Variants in PLEKHM2 observed in about 807,000 individuals in gnomAD.
The protein encoded by PLEKHM2 is pleckstrin homology domain-containing family M member 2.
In PLEKHM2, 77 loss-of-function variants were observed where a neutral mutation model predicts 116.3. The ratio of observed to expected loss-of-function variants is 0.66; its 90% confidence interval spans 0.55 to 0.80. The LOEUF (loss-of-function observed/expected upper bound fraction) is 0.80. PLEKHM2 is among the 30% of genes least tolerant of loss of function. The probability of loss-of-function intolerance (pLI) is 0.00; values close to 1 mark genes in which losing one functional copy is unlikely to be tolerated. For missense variants in PLEKHM2, 1,183 were observed against 1,354.9 expected (o/e 0.87, Z 1.99); for synonymous variants, 562 against 571.0 (o/e 0.98, Z 0.22).
chr1:15,730,423 C>G (rs1254056151), intron 14 of PLEKHM2, 109 bp from the exon 15 acceptor site: 1 of 850,936 alleles, frequency 1.2e-6, no homozygotes, highest in Admixed American at 3.0e-5. Flanking sequence ...GCCTGGGCGA[C>G]AGAGCGAGAC....
At position 15,728,197 on chromosome 1, in the gene PLEKHM2, G is replaced by A. The variant is rs77256801; in HGVS notation, c.1830+49G>A. 284 of 1,603,214 alleles carry A rather than the reference G, an allele frequency of 1.8e-4. No individual in the cohort carries two copies. In the African/African-American group the frequency reaches 2.6e-3, roughly 14 times the overall value. On this transcript the variant is annotated intron_variant, in intron 10 of 19. Coordinates refer to ENST00000375799, the MANE Select transcript of PLEKHM2 (RefSeq NM_015164.4). The surrounding 1 kb of genome is among the most constrained non-coding windows in gnomAD (Gnocchi z 5.9). ...GAGCAAGAGACGGCAAGGGCAAGGC[G>A]GGATGGGCCACCGCCCCCGCTGGAG...
intron 1 of PLEKHM2, among the ~76,000 whole-genome samples, chr1:15,715,024 C>A (rs1641416188): frequency 6.6e-6 from 1 of 152,338 alleles, no homozygotes; most frequent in Non-Finnish European, 1.5e-5. Context: ...CAGTTCATCT[C>A]ACCTACTGTC....
chr1:15,714,877 G>A (rs1641412788), intron 1 of PLEKHM2, among the ~76,000 whole-genome samples: 1 of 152,230 alleles, frequency 6.6e-6, no homozygotes, highest in Admixed American at 6.5e-5. Context: ...TTCTCCTAGA[G>A]CTGTGCTTGA....
At position 15,729,051 on chromosome 1, in the gene PLEKHM2, G is replaced by T. The variant is rs146863630; in HGVS notation, c.1987-51G>T. 472 of 1,515,274 alleles carry T rather than the reference G, an allele frequency of 3.1e-4. 1 individual carries two copies. The African/African-American group carries it at 5.6e-3, about 18-fold the overall frequency. 93.9% of individuals were successfully genotyped at this position (1,515,274 alleles called of 1,614,324 possible). On this transcript the variant is annotated intron_variant, in intron 12 of 19. Transcript: ENST00000375799. The surrounding 1 kb of genome is among the most constrained non-coding windows in gnomAD (Gnocchi z 4.7). ...TCAGCCTGGCCAAGCTGCCTTCTCC[G>T]CCAGGCAGCAGCTAAGCCCCAAGTG...
At chr1:15,683,901 G>A (rs1273700915), upstream of PLEKHM2, among the ~76,000 whole-genome samples, 1 of 148,438 alleles carries the variant, frequency 6.7e-6, no homozygotes, top group Admixed American at 6.7e-5. Context: ...GTCCCTGAGG[G>A]AATCTGTGGG....
In PLEKHM2 at chr1:15,719,066, T is replaced by A. The variant is rs1412537383; in HGVS notation, c.465+441T>A. On this transcript the variant is annotated intron_variant, in intron 5 of 19. Coordinates refer to ENST00000375799, the MANE Select transcript of PLEKHM2 (RefSeq NM_015164.4). The surrounding 1 kb of genome is among the most constrained non-coding windows in gnomAD (Gnocchi z 4.1). ...CTCTCCCCATCACACCCTGTACAAA[T>A]GGGATGCTGGCCCACATAGAGCCAA... Among the ~76,000 whole-genome samples, 1 of 152,124 alleles carries A rather than the reference T, an allele frequency of 6.6e-6. No individual in the cohort carries two copies. Among genetic ancestry groups the A allele is most frequent in the East Asian group, 1.9e-4 (1 of 5,186 alleles).
chr1:15,732,583 T>C, intron 18 of PLEKHM2, 29 bp from the exon 19 acceptor site: 4 of 1,599,280 alleles, frequency 2.5e-6, no homozygotes, highest in Non-Finnish European at 3.4e-6. Context: ...AAGCTCTGGC[T>C]GCTCACCCGG....
Position 15,732,684 on chromosome 1 carries a change from C to T in PLEKHM2, c.2878C>T (p.Arg960Ter). ...IYLSCTSELD[R>*]LLSALNSGWK... Reference sequence around the variant, plus strand: ...CCTGAGCTGCACTTCTGAACTGGACCGATTGCTGTCTGCACTGAACTCTGG... The same window carrying T: ...CCTGAGCTGCACTTCTGAACTGGACTGATTGCTGTCTGCACTGAACTCTGG... The change falls in exon 19 of 20, where the codon CGA (arginine) becomes TGA (stop). Residue 960 changes from arginine (R) to a stop codon, truncating the protein, a stop_gained. Transcript: ENST00000375799. LOFTEE classifies it high-confidence loss of function. 6.2e-7 allele frequency: 1 copy of T among 1,610,626 alleles called. No individual in the cohort carries two copies. The highest frequency in any genetic ancestry group is 1.1e-5 in the South Asian group (1 of 90,468).
chr1:15,716,921 A>G (rs566227723), intron 3 of PLEKHM2, 105 bp downstream of exon 3: 124 of 1,399,288 alleles, frequency 8.9e-5, no homozygotes, highest in Non-Finnish European at 1.1e-4. Context: ...CTGGGAGGCA[A>G]ATTACCTGGT....
chr1:15,684,510 G>GC lies in PLEKHM2; in HGVS notation c.-49_-48insC, dbSNP rs1553156952. 3.1e-6 allele frequency: 3 copies of GC among 976,688 alleles called. No homozygotes were observed. The highest frequency in any genetic ancestry group is 3.8e-6 in the Non-Finnish European group (3 of 799,692). 60.5% of individuals were successfully genotyped at this position (976,688 alleles called of 1,614,324 possible). On this transcript the variant is annotated 5_prime_UTR_variant, in exon 1 of 20. Coordinates refer to ENST00000375799, the MANE Select transcript of PLEKHM2 (RefSeq NM_015164.4). ...GCCCCCGGCGCGGGAAGCGGCGGCGGGGCGGCGGCGGCGGTGGCGGTGGCG... is the reference window on the plus strand; with the variant it reads ...GCCCCCGGCGCGGGAAGCGGCGGCGGCGGCGGCGGCGGCGGTGGCGGTGGCG...
At chr1:15,724,733 C>G (rs2068039044) in intron 7 of PLEKHM2, among the ~76,000 whole-genome samples, 1 of 152,196 alleles carries the variant, frequency 6.6e-6, no homozygotes, top group Non-Finnish European at 1.5e-5. Context: ...CATCCTGTCT[C>G]CTAGCCTCTG....
intron 1 of PLEKHM2, among the ~76,000 whole-genome samples, chr1:15,696,594 G>A (rs527735373): frequency 7.2e-5 from 11 of 152,004 alleles, no homozygotes; most frequent in African/African-American, 1.7e-4. Context: ...CAGGTGATCC[G>A]CCCGCCTCGG....
At position 15,731,875 on chromosome 1, in the gene PLEKHM2, C is replaced by G. The variant is rs765845466; in HGVS notation, c.2466-14C>G. ...GCCTCCTCGCTCCCGTTTCACCCTC[C>G]TCCTCTGGCCCAGGGGGGAGCAGTG... is the stretch of plus-strand genomic sequence containing the variant. On this transcript the variant is annotated splice_polypyrimidine_tract_variant and intron_variant, in intron 16 of 19. Coordinates refer to ENST00000375799, the MANE Select transcript of PLEKHM2 (RefSeq NM_015164.4). The G allele has an allele frequency of 2.5e-6, 4 of 1,607,034 alleles. No homozygotes were observed. Among genetic ancestry groups the G allele is most frequent in the African/African-American group, 1.3e-5 (1 of 74,808 alleles).
Position 15,721,351 on chromosome 1 carries a change from T to G in PLEKHM2, c.675T>G (p.Phe225Leu), listed in dbSNP as rs1390848538. ...SSEDYDFGDV[F>L]PAVPSVPSTD... ...TAGATTATGATTTTGGAGATGTGTT[T>G]CCAGCAGTGCCGTCTGTACCCAGCA... The change falls in exon 7 of 20, where the codon TTT (phenylalanine) becomes TTG (leucine). Residue 225 changes from phenylalanine (F) to leucine (L), a missense_variant. Phe to Leu is a conservative substitution (Grantham distance 22). Coordinates refer to ENST00000375799, the MANE Select transcript of PLEKHM2 (RefSeq NM_015164.4). The surrounding 1 kb of genome is among the most constrained non-coding windows in gnomAD (Gnocchi z 5.1). 6.4e-7 allele frequency: 1 copy of G among 1,570,858 alleles called. No homozygotes were observed. Among genetic ancestry groups the G allele is most frequent in the South Asian group, 1.2e-5 (1 of 85,392 alleles).
At chr1:15,685,011 A>G (rs1275708971) in intron 1 of PLEKHM2, among the ~76,000 whole-genome samples, 1 of 152,186 alleles carries the variant, frequency 6.6e-6, no homozygotes, top group Non-Finnish European at 1.5e-5. Flanking sequence ...GGCGTCGCCC[A>G]GGGTCTGGCA....
At chr1:15,705,023 C>T (rs74054828) in intron 1 of PLEKHM2, among the ~76,000 whole-genome samples, 5,644 of 152,100 alleles carry the variant, frequency 0.037, 357 homozygotes, top group African/African-American at 0.13. Flanking sequence ...GGTGAGGACC[C>T]CTGGTCTAAC....
At chr1:15,698,549 CTTT>C (rs564918055) in intron 1 of PLEKHM2, among the ~76,000 whole-genome samples, 277 of 111,180 alleles carry the variant, frequency 2.5e-3, no homozygotes, top group Middle Eastern at 4.4e-3. Context: ...TTCTTTCTTT[CTTT>C]TTTTTTTTTT....
chr1:15,722,532 G>A (rs2068009008), intron 7 of PLEKHM2, among the ~76,000 whole-genome samples: 1 of 152,154 alleles, frequency 6.6e-6, no homozygotes, highest in Non-Finnish European at 1.5e-5. Context: ...TCTGAACAGG[G>A]GAGGTGAGAA....
chr1:15,681,514 G>A (rs533851133), upstream of PLEKHM2: 19 of 464,802 alleles, frequency 4.1e-5, no homozygotes, highest in Non-Finnish European at 6.9e-5. Flanking sequence ...CCAGCAGAAC[G>A]CAGTGCTCAG....
Sources: allele counts gnomAD v4.1 joint callset (sites outside exome capture counted in the v4.1 genomes callset), GRCh38; gene constraint gnomAD v4.1.1; non-coding constraint Gnocchi (gnomAD v3.1); transcripts MANE v1.5; gene names NCBI Gene and HGNC (gene_info 2026-07-23, HGNC 2026-07-21).